SAMD3: variants seen among roughly 807,000 people sequenced by gnomAD.
SAMD3 encodes the protein sterile alpha motif domain containing 3.
SAMD3 carries 63 observed loss-of-function variants against 58.5 expected under a neutral mutation model. That is an observed-to-expected ratio of 1.08 (90% CI 0.88 to 1.33). The LOEUF (loss-of-function observed/expected upper bound fraction) is 1.33, where lower values mean the gene tolerates loss of function less well. SAMD3 is among the 40% of genes most tolerant of loss of function. The probability of loss-of-function intolerance (pLI) is 0.00; values close to 1 mark genes in which losing one functional copy is unlikely to be tolerated. For missense variants in SAMD3, 604 were observed against 608.4 expected, an observed-to-expected ratio of 0.99 and a Z score of 0.08; for synonymous variants, 220 against 210.3, an observed-to-expected ratio of 1.05 and a Z score of -0.40.
intron 2 of SAMD3, among the ~76,000 whole-genome samples, chr6:130,264,227 G>T (rs553000830): frequency 1.3e-5 from 2 of 152,288 alleles, no homozygotes; most frequent in East Asian, 3.9e-4. Context: ...AATAAGTCAT[G>T]CCAAGCTCTC....
intron 4 of SAMD3, among the ~76,000 whole-genome samples, chr6:130,213,917 C>A (rs1795795773): frequency 6.6e-6 from 1 of 152,042 alleles, no homozygotes; most frequent in Admixed American, 6.5e-5. Context: ...ATTCATTACT[C>A]TAAGAAATCC....
At chr6:130,180,953 C>CCTTTTTTTTT (rs1792257113) in intron 7 of SAMD3, among the ~76,000 whole-genome samples, 2 of 117,362 alleles carry the variant, frequency 1.7e-5, no homozygotes, top group Non-Finnish European at 3.5e-5. Flanking sequence ...TTCTTTCTTT[C>CCTTTTTTTTT]TTTTTTCTTT....
At chr6:130,151,240 A>C (rs1313463422) in intron 9 of SAMD3, among the ~76,000 whole-genome samples, 2 of 112,422 alleles carry the variant, frequency 1.8e-5, no homozygotes, top group Non-Finnish European at 3.7e-5. Context: ...TAACCCATGC[A>C]CAAAACTGAG....
chr6:130,179,286 C>A (rs1543727), intron 7 of SAMD3, among the ~76,000 whole-genome samples: 135,895 of 152,242 alleles, frequency 0.89, 60,807 homozygotes, highest in East Asian at 0.98. Flanking sequence ...GAGTTACTTA[C>A]GCAGACGCCT....
intron 1 of SAMD3, among the ~76,000 whole-genome samples, chr6:130,360,125 T>G (rs1777941414): frequency 6.6e-6 from 1 of 152,210 alleles, no homozygotes; most frequent in Non-Finnish European, 1.5e-5. Context: ...GCTTATTTCC[T>G]TATATAAACA....
intron 7 of SAMD3, among the ~76,000 whole-genome samples, chr6:130,182,401 A>G (rs1792441196): frequency 1.3e-5 from 2 of 152,172 alleles, no homozygotes; most frequent in African/African-American, 4.8e-5. Context: ...TTTTCCAGAC[A>G]TGGTATACAA....
chr6:130,264,958 G>A (rs746580555), intron 2 of SAMD3, among the ~76,000 whole-genome samples: 13 of 152,154 alleles, frequency 8.5e-5, no homozygotes, highest in Non-Finnish European at 1.8e-4. Flanking sequence ...TCCAAAGGCT[G>A]GCCCCCATGT....
At chr6:130,204,782 T>G (rs1794942597) in intron 5 of SAMD3, among the ~76,000 whole-genome samples, 1 of 107,014 alleles carries the variant, frequency 9.3e-6, no homozygotes, top group Admixed American at 9.7e-5. Context: ...TTTTTTTTTT[T>G]GTCAGCACAC....
chr6:130,215,180 G>C lies in SAMD3; in HGVS notation c.79+15C>G, dbSNP rs767343688. The C allele has an allele frequency of 6.9e-7, 1 of 1,444,980 alleles. No individual in the cohort carries two copies. Among genetic ancestry groups the C allele is most frequent in the Non-Finnish European group, 9.7e-7 (1 of 1,030,686 alleles). The allele number at this position is 1,444,980 out of a possible 1,614,324, so 89.5% of individuals were successfully genotyped here. On this transcript the variant is annotated intron_variant, in intron 3 of 11. Coordinates refer to ENST00000439090, the MANE Select transcript of SAMD3 (RefSeq NM_001017373.4). ...GCTGCTCAATTAAAATTTTTGGAAA[G>C]CATAAACAACTCACCTTGAAATCTA...
chr6:130,189,113 A>T (rs528071167), intron 5 of SAMD3, among the ~76,000 whole-genome samples: 1 of 152,018 alleles, frequency 6.6e-6, no homozygotes, highest in Admixed American at 6.6e-5. Flanking sequence ...CAAAAAAAAA[A>T]AAAAACCAAA....
At chr6:130,228,190 C>T (rs1459513887) in intron 2 of SAMD3, among the ~76,000 whole-genome samples, 1 of 152,136 alleles carries the variant, frequency 6.6e-6, no homozygotes, top group Non-Finnish European at 1.5e-5. Context: ...GATATCTTAA[C>T]AAAGAGTTCA....
intron 1 of SAMD3, among the ~76,000 whole-genome samples, chr6:130,329,532 A>T (rs1257588771): frequency 6.6e-6 from 1 of 152,194 alleles, no homozygotes; most frequent in East Asian, 1.9e-4. Context: ...CTGGAACCAG[A>T]AATACCATTT....
rs1021453719 is a variant in SAMD3 at position 130,365,119 on chromosome 6, C to G, written c.-304+1G>C. 1 of 935,848 alleles carries G rather than the reference C, an allele frequency of 1.1e-6. No individual in the cohort carries two copies. The highest frequency in any genetic ancestry group is 1.3e-6 in the Non-Finnish European group (1 of 785,006). The allele number at this position is 935,848 out of a possible 1,614,324, so 58.0% of individuals were successfully genotyped here. The stretch of plus-strand genomic sequence containing the variant: ...TTAGTTTTACATGAAACTTTACTTA[C>G]GGAATTGGCCTGCATATATACAGTC... On this transcript the variant is annotated splice_donor_variant, in intron 1 of 13. Transcript: ENST00000368134. LOFTEE classifies it low-confidence loss of function (5UTR_SPLICE).
chr6:130,332,072 A>T (rs114310903), intron 1 of SAMD3, among the ~76,000 whole-genome samples: 1 of 152,214 alleles, frequency 6.6e-6, no homozygotes, highest in Non-Finnish European at 1.5e-5. Context: ...AAAACAAAAT[A>T]CAATGATGGT....
intron 5 of SAMD3, among the ~76,000 whole-genome samples, chr6:130,186,963 T>G (rs537375217): frequency 4.3e-4 from 65 of 151,592 alleles, no homozygotes; most frequent in Non-Finnish European, 2.7e-4. Context: ...GTATAGACAG[T>G]GTTTCACCAT....
chr6:130,262,036 C>T (rs1249977297), intron 2 of SAMD3, among the ~76,000 whole-genome samples: 1 of 149,460 alleles, frequency 6.7e-6, no homozygotes, highest in Non-Finnish European at 1.5e-5. Flanking sequence ...AAGACAAAGT[C>T]AAAGAGAGAT....
chr6:130,216,246 G>T (rs1386894362), intron 2 of SAMD3, among the ~76,000 whole-genome samples: 2 of 151,998 alleles, frequency 1.3e-5, no homozygotes. Context: ...GACTTGGAGA[G>T]GGGTGGGGTG....
intron 1 of SAMD3, among the ~76,000 whole-genome samples, chr6:130,216,944 C>T (rs1371240910): frequency 6.6e-6 from 1 of 151,980 alleles, no homozygotes; most frequent in Non-Finnish European, 1.5e-5. Context: ...TCTCTAAACT[C>T]GAAGATAAAA....
At chr6:130,334,874 C>T (rs1777054481) in intron 1 of SAMD3, among the ~76,000 whole-genome samples, 2 of 152,260 alleles carry the variant, frequency 1.3e-5, no homozygotes, top group African/African-American at 2.4e-5. Context: ...TGTGAACAAC[C>T]AGGTTATATT....
Sources: gnomAD v4.1 joint callset for allele counts (sites outside exome capture counted in the v4.1 genomes callset) on GRCh38, gnomAD v4.1.1 for gene constraint, MANE v1.5 for transcripts, NCBI Gene and HGNC (gene_info 2026-07-23, HGNC 2026-07-21) for gene names.